Variants in CNKSR2 observed in about 807,000 individuals in gnomAD.
CNKSR2 encodes CNK homolog protein 2.
In CNKSR2, 14 loss-of-function variants were observed where a neutral mutation model predicts 84.4. The observed-to-expected ratio is 0.17, with a 90% CI of 0.11 to 0.26. CNKSR2 has a LOEUF of 0.26. Among genes scored for constraint, CNKSR2 ranks in the 10% least tolerant of loss-of-function variants. The probability of loss-of-function intolerance (pLI) is 1.00; values close to 1 mark genes in which losing one functional copy is unlikely to be tolerated. For synonymous variants in CNKSR2, 275 were observed against 277.9 expected (o/e 0.99, Z 0.10); for missense variants, 485 against 771.2 (o/e 0.63, Z 4.40).
At chrX:21,536,205 A>C (rs187482651) in intron 11 of CNKSR2, among the ~76,000 whole-genome samples, 1 of 111,639 alleles carries the variant, frequency 9.0e-6, no homozygotes, top group Admixed American at 9.5e-5. Flanking sequence ...CTCTGGGTTA[A>C]ATCTCATTTG....
At chrX:21,472,767 A>G (rs1037701936) in intron 5 of CNKSR2, among the ~76,000 whole-genome samples, 1 of 111,498 alleles carries the variant, frequency 9.0e-6, no homozygotes, top group East Asian at 2.8e-4. Context: ...AGATTCTACC[A>G]TATGACAGAA....
At chrX:21,553,714 A>G (rs752264304) in intron 11 of CNKSR2, among the ~76,000 whole-genome samples, 1 of 111,457 alleles carries the variant, frequency 9.0e-6, no homozygotes, top group African/African-American at 3.3e-5. Flanking sequence ...TTTACTTTTC[A>G]TGAGAGTGAC....
At chrX:21,502,036 G>T (rs973803578) in intron 8 of CNKSR2, among the ~76,000 whole-genome samples, 10 of 107,309 alleles carry the variant, frequency 9.3e-5, no homozygotes, top group African/African-American at 3.4e-4. Context: ...GGTGGTTTTG[G>T]GGGGAGTATT....
chrX:21,375,097 G>T lies in CNKSR2; in HGVS notation c.64+136G>T, dbSNP rs773971906. On this transcript the variant is annotated intron_variant, in intron 1 of 21. Coordinates refer to ENST00000379510, the MANE Select transcript of CNKSR2 (RefSeq NM_014927.5). ...GGATCGTCGTACGCGTCGGGGCGGGGGTCCTCCAGGACTGGCAGGGGCCTG... is the reference window on the plus strand; with the variant it reads ...GGATCGTCGTACGCGTCGGGGCGGGTGTCCTCCAGGACTGGCAGGGGCCTG... The T allele has an allele frequency of 3.3e-5, 18 of 551,978 alleles. No homozygotes were observed. In the South Asian group the frequency reaches 4.7e-4, roughly 14 times the overall value. The allele number at this position is 551,978 out of a possible 1,213,427, so 45.5% of individuals were successfully genotyped here.
At chrX:21,486,810 C>G (rs1389473686) in intron 5 of CNKSR2, among the ~76,000 whole-genome samples, 2 of 111,463 alleles carry the variant, frequency 1.8e-5, no homozygotes, top group South Asian at 3.7e-4. Flanking sequence ...CATGATTTCA[C>G]TTAATGAATA....
chrX:21,425,156 C>T (rs2090548747), intron 1 of CNKSR2: 1 of 111,941 alleles, frequency 8.9e-6, no homozygotes, highest in Non-Finnish European at 1.9e-5. Flanking sequence ...TTTTTCTCTT[C>T]TCTTACGTAG....
intron 1 of CNKSR2, 42 bp from the exon 2 acceptor site, chrX:21,426,455 G>T: frequency 8.7e-7 from 1 of 1,154,332 alleles, no homozygotes; most frequent in Non-Finnish European, 1.2e-6. Flanking sequence ...TATTTGGTTT[G>T]ACCATGTTTT....
chrX:21,647,499 C>T (rs2147344765), intron 20 of CNKSR2, among the ~76,000 whole-genome samples: 1 of 111,798 alleles, frequency 8.9e-6, no homozygotes, highest in African/African-American at 3.2e-5. Flanking sequence ...TTTCAAAAGA[C>T]AACTGAAAAA....
chrX:21,547,302 A>G (rs1176917566), intron 11 of CNKSR2, among the ~76,000 whole-genome samples: 3 of 111,707 alleles, frequency 2.7e-5, no homozygotes, highest in Non-Finnish European at 5.6e-5. Context: ...GATAAAACAG[A>G]CTTTAAAGCA....
rs754775522 is a variant in CNKSR2, at chrX:21,504,792, C to T, written c.810+3204C>T. On this transcript the variant is annotated intron_variant, in intron 8 of 21. Transcript: ENST00000379510. ...TTGCTATATTCTCTGTTATAAGTGG[C>T]TTTTAAGTTTTTCAAACCAACATAC... 1.0e-5 allele frequency: 3 copies of T among 293,766 alleles called. No homozygotes were observed. Among genetic ancestry groups the T allele is most frequent in the Middle Eastern group, 8.9e-4 (1 of 1,125 alleles). 24.2% of individuals were successfully genotyped at this position (293,766 alleles called of 1,213,427 possible).
At chrX:21,396,699 G>T (rs932418167) in intron 1 of CNKSR2, among the ~76,000 whole-genome samples, 1 of 111,861 alleles carries the variant, frequency 8.9e-6, no homozygotes, top group Non-Finnish European at 1.9e-5. Flanking sequence ...TAGCTAGAAT[G>T]AGAACAAACT....
chrX:21,567,965 T>C (rs2092254255), intron 13 of CNKSR2, among the ~76,000 whole-genome samples: 1 of 111,941 alleles, frequency 8.9e-6, no homozygotes, highest in Non-Finnish European at 1.9e-5. Context: ...GCTCTCACAT[T>C]AAAGCTGCTG....
chrX:21,524,502 GCT>G (rs2091815929), intron 9 of CNKSR2, among the ~76,000 whole-genome samples: 1 of 110,836 alleles, frequency 9.0e-6, no homozygotes, highest in Non-Finnish European at 1.9e-5. Context: ...GAAATTGAGG[GCT>G]AATAATTACA....
At chrX:21,403,015 G>T (rs5951593) in intron 1 of CNKSR2, among the ~76,000 whole-genome samples, 28,344 of 110,485 alleles carry the variant, frequency 0.26, 7,160 homozygotes, top group African/African-American at 0.79. Flanking sequence ...TGGAAAGAGA[G>T]ACAGTTAAAT....
At chrX:21,607,273 A>C (rs2092523047) in intron 19 of CNKSR2, among the ~76,000 whole-genome samples, 1 of 112,015 alleles carries the variant, frequency 8.9e-6, no homozygotes, top group Admixed American at 9.5e-5. Flanking sequence ...AATTAATATT[A>C]TATCTATATT....
In CNKSR2 at chrX:21,485,380, ATGCTC is replaced by A. The variant is rs199777372; in HGVS notation, c.562-5071_562-5067del. On this transcript the variant is annotated intron_variant, in intron 5 of 21. Transcript: ENST00000379510. ...AATGTTGCTTTATTTTGTGCTAAAT[ATGCTC>A]TGCTCTGATCTTTTTCCCCTTTAAA... 9.3e-3 allele frequency among the ~76,000 whole-genome samples: 1,028 copies of A among 110,959 alleles called. 12 individuals carry two copies. The highest frequency in any genetic ancestry group is 0.031 in the African/African-American group (933 of 30,495).
intron 1 of CNKSR2, among the ~76,000 whole-genome samples, chrX:21,410,717 G>C (rs1476432013): frequency 6.3e-5 from 7 of 111,141 alleles, no homozygotes; most frequent in Non-Finnish European, 1.1e-4. Context: ...AGTACATGTT[G>C]ACTAAGTATT....
chrX:21,444,191 T>G (rs1053427426), intron 4 of CNKSR2, among the ~76,000 whole-genome samples: 4 of 111,778 alleles, frequency 3.6e-5, no homozygotes, highest in African/African-American at 6.5e-5. Context: ...TTAGAAAGAT[T>G]ATAAAATTTT....
At chrX:21,541,220 A>G (rs779501678) in intron 11 of CNKSR2, among the ~76,000 whole-genome samples, 2 of 111,434 alleles carry the variant, frequency 1.8e-5, no homozygotes, top group Admixed American at 1.9e-4. Flanking sequence ...TGACCTCGTG[A>G]TCTGCCCACC....
Sources: allele counts gnomAD v4.1 joint callset (sites outside exome capture counted in the v4.1 genomes callset), GRCh38; gene constraint gnomAD v4.1.1; transcripts MANE v1.5; gene names NCBI Gene and HGNC (gene_info 2026-07-23, HGNC 2026-07-21).